The following BTBD10 variants were observed in gnomAD, a reference collection of about 807,000 sequenced individuals.
The protein encoded by BTBD10 is BTB/POZ domain-containing protein 10.
BTBD10 carries 21 observed loss-of-function variants against 53.2 expected under a neutral mutation model. The observed-to-expected ratio is 0.39, with a 90% CI of 0.28 to 0.57. BTBD10 has a LOEUF of 0.57. Ranked by LOEUF, BTBD10 falls within the 20% of genes least tolerant of loss-of-function variation. BTBD10 has a pLI of 0.53. For missense variants in BTBD10, 360 were observed against 594.7 expected, an observed-to-expected ratio of 0.61 and a Z score of 4.10; for synonymous variants, 149 against 192.7, an observed-to-expected ratio of 0.77 and a Z score of 1.88.
chr11:13,423,078 C>T (rs111518518), intron 2 of BTBD10, among the ~76,000 whole-genome samples: 1 of 152,090 alleles, frequency 6.6e-6, no homozygotes, highest in Non-Finnish European at 1.5e-5. Context: ...TATAGAGTAG[C>T]CACTAGTGTA....
intron 1 of BTBD10, among the ~76,000 whole-genome samples, chr11:13,462,332 T>C (rs1288501753): frequency 2.6e-5 from 4 of 152,162 alleles, no homozygotes; most frequent in African/African-American, 7.2e-5. Flanking sequence ...TAAATCTTCG[T>C]AAAATAATCT....
At chr11:13,447,281 G>A (rs1380038146) in intron 1 of BTBD10, among the ~76,000 whole-genome samples, 2 of 152,010 alleles carry the variant, frequency 1.3e-5, no homozygotes, top group Non-Finnish European at 2.9e-5. Flanking sequence ...TTTCGAGACA[G>A]GGTCTCAATC....
intron 6 of BTBD10, among the ~76,000 whole-genome samples, chr11:13,411,719 T>C (rs1016206252): frequency 1.3e-5 from 2 of 152,174 alleles, no homozygotes; most frequent in African/African-American, 4.8e-5. Flanking sequence ...TTTTTCTATC[T>C]CTGCCAGTCA....
intron 5 of BTBD10, among the ~76,000 whole-genome samples, chr11:13,415,021 T>C (rs1318481659): frequency 6.6e-6 from 1 of 151,384 alleles, no homozygotes; most frequent in African/African-American, 2.4e-5. Context: ...CTGTCTTCCA[T>C]CACAGCATCC....
Position 13,423,658 on chromosome 11 carries a change from G to A in BTBD10, c.102-1820C>T, listed in dbSNP as rs116732371. ...CCACACGAGTTAAAATCTAATCTTC[G>A]TGATTCAGAAAACAAAATCTTTCAG... is the stretch of plus-strand genomic sequence containing the variant. On this transcript the variant is annotated intron_variant, in intron 2 of 8. Transcript: ENST00000278174. Among the ~76,000 whole-genome samples the A allele has an allele frequency of 4.8e-3, 734 of 152,088 alleles. 5 individuals are homozygous for A. Among genetic ancestry groups the A allele is most frequent in the African/African-American group, 0.017 (710 of 41,492 alleles).
rs1332449609 is a variant in BTBD10 at position 13,419,697 on chromosome 11, T to C, written c.347A>G (p.Gln116Arg). The change falls in exon 4 of 9, where the codon CAA becomes CGA. Residue 116 changes from glutamine to arginine, a missense_variant. Around this residue, in one of 6 missense-constraint regions of BTBD10, gnomAD observed 109 missense variants for 118.6 expected, o/e 0.92. Coordinates refer to ENST00000278174, the MANE Select transcript of BTBD10 (RefSeq NM_032320.7). ...SSSRPSSPRP[Q>R]KASPNGSISS... The stretch of plus-strand genomic sequence containing the variant: ...AATGGAACCATTTGGGGATGCTTTT[T>C]GAGGACGCGGACTGCTTGGACGAGA... 2 of 1,613,554 alleles carry C rather than the reference T, an allele frequency of 1.2e-6. No individual in the cohort carries two copies. Among genetic ancestry groups the C allele is most frequent in the East Asian group, 2.2e-5 (1 of 44,844 alleles).
At position 13,417,275 on chromosome 11, in the gene BTBD10, A is replaced by G. The variant is rs1393440852; in HGVS notation, c.585-15T>C. ...ATCCAAACATCCTATGATAGTAAAT[A>G]ATTGAGAAATACGTCAATAGAATAC... is the stretch of plus-strand genomic sequence containing the variant. On this transcript the variant is annotated splice_polypyrimidine_tract_variant and intron_variant, in intron 4 of 8. Coordinates refer to ENST00000278174, the MANE Select transcript of BTBD10 (RefSeq NM_032320.7). 2.6e-6 allele frequency: 4 copies of G among 1,561,590 alleles called. No individual in the cohort carries two copies. The highest frequency in any genetic ancestry group is 3.5e-6 in the Non-Finnish European group (4 of 1,141,484).
intron 6 of BTBD10, 50 bp from the exon 7 acceptor site, chr11:13,405,906 G>A (rs912464496): frequency 1.9e-6 from 3 of 1,561,670 alleles, no homozygotes; most frequent in African/African-American, 1.4e-5. Context: ...CCTAAAAAGA[G>A]TTCTTTTAGA....
At chr11:13,421,977 T>C in intron 2 of BTBD10, 139 bp from the exon 3 acceptor site, 1 of 660,818 alleles carries the variant, frequency 1.5e-6, no homozygotes, top group East Asian at 3.0e-5. Flanking sequence ...TGAAACCTAA[T>C]TTACCTCAAA....
At chr11:13,453,174 A>T (rs1950897812) in intron 1 of BTBD10, among the ~76,000 whole-genome samples, 1 of 152,200 alleles carries the variant, frequency 6.6e-6, no homozygotes, top group Non-Finnish European at 1.5e-5. Context: ...TAAGATATAT[A>T]GATACAGATA....
chr11:13,460,382 C>G (rs1008295273), intron 1 of BTBD10, among the ~76,000 whole-genome samples: 2 of 152,128 alleles, frequency 1.3e-5, no homozygotes, highest in Non-Finnish European at 2.9e-5. Flanking sequence ...AACTTGCCCT[C>G]TATATGCCTA....
intron 7 of BTBD10, among the ~76,000 whole-genome samples, chr11:13,403,573 C>T (rs1368339676): frequency 6.6e-6 from 1 of 152,122 alleles, no homozygotes; most frequent in East Asian, 1.9e-4. Context: ...GGAATGGGAT[C>T]TGCCCCAAGT....
chr11:13,439,430 T>C (rs950311999), intron 2 of BTBD10, among the ~76,000 whole-genome samples: 2 of 152,138 alleles, frequency 1.3e-5, no homozygotes, highest in Non-Finnish European at 2.9e-5. Flanking sequence ...TTTAAGTACA[T>C]TCAGTTCTGT....
intron 1 of BTBD10, among the ~76,000 whole-genome samples, chr11:13,453,135 TG>T (rs949656290): frequency 2.0e-5 from 3 of 152,150 alleles, no homozygotes; most frequent in Admixed American, 2.0e-4. Flanking sequence ...GTTAAAACTC[TG>T]CACAATATAT....
chr11:13,419,455 C>G lies in BTBD10; in HGVS notation c.584+5G>C. The stretch of plus-strand genomic sequence containing the variant: ...AGTAATGCAAATAACTGCAATAATA[C>G]AAACCTGCCCAACATTGTATTTGGC... On this transcript the variant is annotated splice_donor_5th_base_variant and intron_variant, in intron 4 of 8. Transcript: ENST00000278174. The G allele has an allele frequency of 6.2e-7, 1 of 1,605,366 alleles. No homozygotes were observed.
At chr11:13,444,001 C>A (rs965165639) in intron 2 of BTBD10, among the ~76,000 whole-genome samples, 14 of 151,694 alleles carry the variant, frequency 9.2e-5, no homozygotes, top group South Asian at 6.2e-4. Flanking sequence ...ACATAAAAAA[C>A]CAAAAAAACA....
intron 8 of BTBD10, among the ~76,000 whole-genome samples, chr11:13,395,898 ATC>A (rs1949537157): frequency 6.6e-6 from 1 of 152,056 alleles, no homozygotes. Flanking sequence ...ATTGGTCTGT[ATC>A]TCTGTTTTGG....
intron 2 of BTBD10, among the ~76,000 whole-genome samples, chr11:13,424,805 A>T (rs1950306566): frequency 6.6e-6 from 1 of 152,220 alleles, no homozygotes; most frequent in Non-Finnish European, 1.5e-5. Flanking sequence ...GCAATGAAAG[A>T]GAGCAATCAT....
chr11:13,423,407 A>G (rs1950279778), intron 2 of BTBD10, among the ~76,000 whole-genome samples: 2 of 152,206 alleles, frequency 1.3e-5, no homozygotes, highest in Admixed American at 1.3e-4. Flanking sequence ...GAATTAAATG[A>G]ACTATAATAA....
Sources: gnomAD v4.1 joint callset for allele counts (sites outside exome capture counted in the v4.1 genomes callset) on GRCh38, gnomAD v4.1.1 for gene constraint, gnomAD v4.1.1 regional missense constraint, MANE v1.5 for transcripts, NCBI Gene and HGNC (gene_info 2026-07-23, HGNC 2026-07-21) for gene names.